EXOC6: variants seen among roughly 807,000 people sequenced by gnomAD.
EXOC6 encodes exocyst complex component 6.
A neutral mutation model predicts 112.5 loss-of-function variants in EXOC6; 60 were observed. That is an observed-to-expected ratio of 0.53 (90% CI 0.43 to 0.66). EXOC6 has a LOEUF of 0.66. Ranked by LOEUF, EXOC6 falls within the 30% of genes least tolerant of loss-of-function variation. The pLI is 0.00. For missense variants in EXOC6, 855 were observed against 957.1 expected (o/e 0.89, Z 1.41); for synonymous variants, 295 against 308.0 (o/e 0.96, Z 0.44).
intron 1 of EXOC6, among the ~76,000 whole-genome samples, chr10:92,884,317 AG>A (rs1408303790): frequency 2.0e-5 from 3 of 152,200 alleles, no homozygotes; most frequent in African/African-American, 7.2e-5. Flanking sequence ...CTAGTTTTCC[AG>A]TATTTGGAAG....
At chr10:92,937,624 TTTG>T (rs1256789342) in intron 12 of EXOC6, among the ~76,000 whole-genome samples, 8 of 152,164 alleles carry the variant, frequency 5.3e-5, no homozygotes, top group Non-Finnish European at 1.0e-4. Flanking sequence ...GGTGGGATTT[TTTG>T]TTGTTGTTTT....
At chr10:93,029,714 CA>C (rs1484196698) in intron 20 of EXOC6, among the ~76,000 whole-genome samples, 1 of 152,154 alleles carries the variant, frequency 6.6e-6, no homozygotes, top group African/African-American at 2.4e-5. Context: ...CCTGAAATCA[CA>C]AAGATATTTT....
At chr10:93,009,840 A>C (rs1200426113) in intron 19 of EXOC6, among the ~76,000 whole-genome samples, 1 of 152,240 alleles carries the variant, frequency 6.6e-6, no homozygotes, top group African/African-American at 2.4e-5. Flanking sequence ...TAGATTGCAA[A>C]GGACCTTAGC....
At chr10:92,946,274 T>G (rs1375962971) in intron 13 of EXOC6, among the ~76,000 whole-genome samples, 1 of 151,310 alleles carries the variant, frequency 6.6e-6, no homozygotes, top group Non-Finnish European at 1.5e-5. Context: ...CCAGCCTGGG[T>G]GACAGAGCTA....
chr10:92,906,786 A>G (rs1324528648), intron 5 of EXOC6, among the ~76,000 whole-genome samples: 1 of 152,076 alleles, frequency 6.6e-6, no homozygotes, highest in African/African-American at 2.4e-5. Flanking sequence ...CTGGATGGAA[A>G]TGTGGCCAAA....
chr10:92,987,886 G>A (rs1315838913), intron 18 of EXOC6, among the ~76,000 whole-genome samples: 1 of 151,928 alleles, frequency 6.6e-6, no homozygotes, highest in Non-Finnish European at 1.5e-5. Flanking sequence ...TTAATATTAA[G>A]GTGCATTTGG....
At chr10:92,971,542 T>C (rs1473151504) in intron 17 of EXOC6, among the ~76,000 whole-genome samples, 1 of 151,946 alleles carries the variant, frequency 6.6e-6, no homozygotes, top group Non-Finnish European at 1.5e-5. Flanking sequence ...GTGTGGCTAA[T>C]TTTTTGTATT....
At chr10:92,984,462 C>T (rs1384580716) in intron 18 of EXOC6, among the ~76,000 whole-genome samples, 3 of 152,060 alleles carry the variant, frequency 2.0e-5, no homozygotes, top group African/African-American at 7.2e-5. Context: ...TACCCTGGGA[C>T]TTTTGTTCCT....
intron 20 of EXOC6, among the ~76,000 whole-genome samples, chr10:93,035,927 A>G (rs1295555185): frequency 6.6e-6 from 1 of 151,914 alleles, no homozygotes; most frequent in Admixed American, 6.6e-5. Flanking sequence ...AAACCTAAAA[A>G]GAAAGCTCTC....
intron 1 of EXOC6, among the ~76,000 whole-genome samples, chr10:92,885,622 C>T (rs1849173675): frequency 6.6e-6 from 1 of 152,046 alleles, no homozygotes; most frequent in Non-Finnish European, 1.5e-5. Flanking sequence ...TGTGATCCAC[C>T]CACCTAAGCC....
At chr10:92,997,358 A>G (rs1843539597) in intron 18 of EXOC6, 116 bp from the exon 19 acceptor site, 2 of 922,786 alleles carry the variant, frequency 2.2e-6, no homozygotes, top group Admixed American at 2.7e-5. Context: ...AGTAACCACT[A>G]TTGTACCAAG....
intron 18 of EXOC6, among the ~76,000 whole-genome samples, chr10:92,981,807 G>T (rs926110953): frequency 6.6e-6 from 1 of 152,112 alleles, no homozygotes; most frequent in African/African-American, 2.4e-5. Flanking sequence ...GAAGTGGTAT[G>T]ATGGACAATT....
At chr10:92,985,805 A>G (rs1434717476) in intron 18 of EXOC6, among the ~76,000 whole-genome samples, 1 of 152,144 alleles carries the variant, frequency 6.6e-6, no homozygotes, top group Non-Finnish European at 1.5e-5. Context: ...TGAAAACTGT[A>G]AAGGAAAAAG....
intron 5 of EXOC6, among the ~76,000 whole-genome samples, chr10:92,907,128 AT>A (rs1300152095): frequency 3.3e-5 from 5 of 152,104 alleles, no homozygotes; most frequent in African/African-American, 1.2e-4. Context: ...AAAATCATGT[AT>A]TTTACTACTT....
chr10:92,862,619 G>C lies in EXOC6; in HGVS notation c.101+13985G>C, dbSNP rs555702056. ...AGAAAGAAATTTCTGTTGTCTGTAAGCTACCCAGTCTACAGTATTTAGTTA... is the reference window on the plus strand; with the variant it reads ...AGAAAGAAATTTCTGTTGTCTGTAACCTACCCAGTCTACAGTATTTAGTTA... On this transcript the variant is annotated intron_variant, in intron 1 of 21. Coordinates refer to ENST00000260762, the MANE Select transcript of EXOC6 (RefSeq NM_019053.6). Among the ~76,000 whole-genome samples the C allele has an allele frequency of 5.3e-5, 8 of 152,234 alleles. No homozygotes were observed. In the East Asian group the frequency reaches 1.5e-3, roughly 29 times the overall value.
At chr10:92,860,301 T>TCAAAAAAG (rs1847849298) in intron 1 of EXOC6, among the ~76,000 whole-genome samples, 1 of 143,906 alleles carries the variant, frequency 6.9e-6, no homozygotes, top group African/African-American at 2.5e-5. Flanking sequence ...AGACAGAGTC[T>TCAAAAAAG]TGTTCTGTAG....
chr10:92,895,439 T>A (rs1302595116), intron 4 of EXOC6, among the ~76,000 whole-genome samples: 1 of 152,146 alleles, frequency 6.6e-6, no homozygotes, highest in African/African-American at 2.4e-5. Flanking sequence ...TTGTTTTTGC[T>A]TTGCTCACAA....
intron 17 of EXOC6, among the ~76,000 whole-genome samples, chr10:92,962,147 A>T (rs1830039681): frequency 6.6e-6 from 1 of 152,126 alleles, no homozygotes. Context: ...AGGTGGCTCT[A>T]TGAGAGATTT....
At chr10:93,014,103 C>G in intron 19 of EXOC6, 91 bp from the exon 20 acceptor site, 2 of 873,290 alleles carry the variant, frequency 2.3e-6, no homozygotes, top group Non-Finnish European at 3.6e-6. Flanking sequence ...TATTATAATG[C>G]ATTTATAATG....
Sources: gnomAD v4.1 joint callset for allele counts (sites outside exome capture counted in the v4.1 genomes callset) on GRCh38, gnomAD v4.1.1 for gene constraint, MANE v1.5 for transcripts, NCBI Gene and HGNC (gene_info 2026-07-23, HGNC 2026-07-21) for gene names.